The following CEBPZ variants were observed in gnomAD, a reference collection of about 807,000 sequenced individuals.
CEBPZ encodes the protein CCAAT enhancer binding protein zeta.
In CEBPZ, 78 loss-of-function variants were observed where a neutral mutation model predicts 104.5. That is an observed-to-expected ratio of 0.75 (90% CI 0.62 to 0.90). The LOEUF (loss-of-function observed/expected upper bound fraction) is 0.90. Among genes scored for constraint, CEBPZ ranks in the 40% least tolerant of loss-of-function variants. The pLI, the probability that CEBPZ is intolerant of heterozygous loss-of-function variation, is 0.00. For missense variants in CEBPZ, 1,439 were observed against 1,233.5 expected (o/e 1.17, Z -2.50); for synonymous variants, 470 against 427.0 (o/e 1.10, Z -1.24).
At chr2:37,215,001 A>G in intron 8 of CEBPZ, 49 bp from the exon 9 acceptor site, 1 of 1,181,584 alleles carries the variant, frequency 8.5e-7, no homozygotes, top group Non-Finnish European at 1.3e-6. Flanking sequence ...AATCCCCTTT[A>G]TGTTACTCAA....
chr2:37,225,964 T>C lies in CEBPZ; in HGVS notation c.1649+1580A>G, dbSNP rs571458104. Among the ~76,000 whole-genome samples, 505 of 134,140 alleles carry C rather than the reference T, an allele frequency of 3.8e-3. 3 individuals carry two copies. The highest frequency in any genetic ancestry group is 6.6e-3 in the Non-Finnish European group (418 of 63,078). 88.0% of individuals were successfully genotyped at this position (134,140 alleles called of 152,430 possible). On this transcript the variant is annotated intron_variant, in intron 2 of 15. Transcript: ENST00000234170. ...TAAAGCATTGAGATGTTTATGTGTA[T>C]GCATATCTAAAAGCACAGCACTTAA...
chr2:37,220,977 A>G (rs151303822), intron 4 of CEBPZ, among the ~76,000 whole-genome samples: 37 of 151,630 alleles, frequency 2.4e-4, no homozygotes, highest in Admixed American at 3.3e-4. Context: ...AGCCTTCCTG[A>G]CAGAGCAAGA....
chr2:37,217,763 G>C (rs1464770643), intron 5 of CEBPZ, among the ~76,000 whole-genome samples: 2 of 150,986 alleles, frequency 1.3e-5, no homozygotes, highest in African/African-American at 2.4e-5. Context: ...TTAGCCGGGC[G>C]TGGTGGCGGG....
chr2:37,216,463 C>G (rs776382256), intron 6 of CEBPZ, 45 bp from the exon 7 acceptor site: 1 of 1,329,200 alleles, frequency 7.5e-7, no homozygotes, highest in South Asian at 1.2e-5. Flanking sequence ...CAAATTATGT[C>G]TATGAATCCA....
chr2:37,222,971 T>C (rs904483358), intron 3 of CEBPZ, among the ~76,000 whole-genome samples, 199 bp downstream of exon 3: 8 of 152,206 alleles, frequency 5.3e-5, no homozygotes, highest in Non-Finnish European at 8.8e-5. Context: ...GTACAGTTTA[T>C]TGCAAGTAGA....
At chr2:37,227,474 AG>A in intron 2 of CEBPZ, 69 bp downstream of exon 2, 4 of 1,442,464 alleles carry the variant, frequency 2.8e-6, no homozygotes, top group Non-Finnish European at 2.8e-6. Context: ...TGCCCCACAG[AG>A]GGCACTGCTT....
At chr2:37,206,601 C>T (rs1677547539) in intron 13 of CEBPZ, among the ~76,000 whole-genome samples, 1 of 152,128 alleles carries the variant, frequency 6.6e-6, no homozygotes, top group African/African-American at 2.4e-5. Context: ...CAGGTGATGC[C>T]CGCCTGGGCC....
intron 9 of CEBPZ, 140 bp from the exon 10 acceptor site, chr2:37,214,101 T>C (rs1371600114): frequency 2.1e-6 from 1 of 483,496 alleles, no homozygotes; most frequent in East Asian, 3.5e-5. Context: ...GACTGAAATT[T>C]GTATCTAATA....
At chr2:37,227,440 A>T in intron 2 of CEBPZ, 104 bp downstream of exon 2, 5 of 1,312,152 alleles carry the variant, frequency 3.8e-6, no homozygotes, top group Non-Finnish European at 5.1e-6. Context: ...GGGGCCTAAA[A>T]CCAAATTTTC....
rs199895473 is a variant in CEBPZ at position 37,220,406 on chromosome 2, T to G, written c.2133A>C (p.Thr711=). 8.8e-6 allele frequency: 14 copies of G among 1,590,180 alleles called. No individual in the cohort carries two copies. Among genetic ancestry groups the G allele is most frequent in the Non-Finnish European group, 1.1e-5 (13 of 1,163,828 alleles). The change falls in exon 5 of 16, where the codon ACA becomes ACC. Residue 711 remains threonine (T), a synonymous_variant. Coordinates refer to ENST00000234170, the MANE Select transcript of CEBPZ (RefSeq NM_005760.3). ...RNPLFCGAEN[T]SLWELKKLSV... ...TTACCTTTTTGAGTTCCCAAAGACT[T>G]GTATTTTCAGCTCCACAGAACAGAG...
At position 37,206,269 on chromosome 2, in the gene CEBPZ, T is replaced by C. The variant is rs1051276176; in HGVS notation, c.2885-3261A>G. Among the ~76,000 whole-genome samples the C allele has an allele frequency of 7.9e-5, 12 of 152,222 alleles. 1 individual carries two copies. Among genetic ancestry groups the C allele is most frequent in the Admixed American group, 5.2e-4 (8 of 15,286 alleles). ...AAAAGGTATCCAACAAAACTAAGCT[T>C]CCTAAATGAAGGAGAGATATCTATG... On this transcript the variant is annotated intron_variant, in intron 13 of 15. Transcript: ENST00000234170.
At position 37,228,198 on chromosome 2, in the gene CEBPZ, AAT is replaced by A. The variant is rs1230569615; in HGVS notation, c.993_994del (p.Leu332MetfsTer4). Reference sequence around the variant, plus strand: ...TTTCAGCTGGTGTTCAAAATACCATAATATCAGTCTTCTATCTCTTGAGTCCT... The same window carrying A: ...TTTCAGCTGGTGTTCAAAATACCATAATCAGTCTTCTATCTCTTGAGTCCT... On this transcript the variant is annotated frameshift_variant, in exon 2 of 16. Transcript: ENST00000234170. LOFTEE classifies it high-confidence loss of function. 1 of 1,614,192 alleles carries A rather than the reference AAT, an allele frequency of 6.2e-7. No homozygotes were observed. Among genetic ancestry groups the A allele is most frequent in the Non-Finnish European group, 8.5e-7 (1 of 1,180,024 alleles).
At chr2:37,212,219 C>T in intron 11 of CEBPZ, 116 bp downstream of exon 11, 1 of 1,071,656 alleles carries the variant, frequency 9.3e-7, no homozygotes, top group South Asian at 1.4e-5. Context: ...ATCCACTTCC[C>T]AAACTTACTT....
rs760014895 is a variant in CEBPZ at position 37,202,844 on chromosome 2, T to A, written c.2965A>T (p.Asn989Tyr). The A allele has an allele frequency of 6.2e-7, 1 of 1,602,278 alleles. No individual in the cohort carries two copies. Among genetic ancestry groups the A allele is most frequent in the Non-Finnish European group, 8.5e-7 (1 of 1,174,834 alleles). The change falls in exon 15 of 16, where the codon AAT becomes TAT. Residue 989 changes from asparagine (N) to tyrosine (Y), a missense_variant. Asn to Tyr is a moderately radical substitution (Grantham distance 143). Transcript: ENST00000234170. ...ATGTTATCAAACTTGGATCCCATAT[T>A]TTCATCCAATAGATGGCCAAACTTT... ...AEEFGHLLDE[N>Y]MGSKFDNIGM...
intron 13 of CEBPZ, chr2:37,204,308 T>C (rs1192497942): frequency 6.9e-6 from 1 of 144,672 alleles, no homozygotes; most frequent in Non-Finnish European, 1.5e-5. Context: ...AGACAGAGTC[T>C]CGCTTTGTCG....
In CEBPZ at chr2:37,202,819, A is replaced by G. The variant is rs377255620; in HGVS notation, c.2990T>C (p.Ile997Thr). Residue 997 changes from isoleucine to threonine, a missense_variant, in exon 15 of 16, where the codon ATT (isoleucine) becomes ACT (threonine). By Grantham distance (89) the Ile-to-Thr change is moderately conservative. Transcript: ENST00000234170. ...DENMGSKFDN[I>T]GMNAMANKDN... Reference sequence around the variant, plus strand: ...TTTGTTAGCCATGGCATTCATGCCAATGTTATCAAACTTGGATCCCATATT... The same window carrying G: ...TTTGTTAGCCATGGCATTCATGCCAGTGTTATCAAACTTGGATCCCATATT... The G allele has an allele frequency of 5.4e-5, 87 of 1,599,678 alleles. No individual in the cohort carries two copies. The South Asian group carries it at 6.2e-4, about 11-fold the overall frequency.
intron 15 of CEBPZ, chr2:37,202,149 C>A: frequency 1.8e-5 from 5 of 282,104 alleles, no homozygotes; most frequent in South Asian, 1.4e-4. Flanking sequence ...TCTCCCCAAG[C>A]ACTTTTACTG....
chr2:37,230,610 T>C (rs887792679), intron 1 of CEBPZ, among the ~76,000 whole-genome samples: 7 of 152,238 alleles, frequency 4.6e-5, no homozygotes, highest in Non-Finnish European at 8.8e-5. Flanking sequence ...GTTCCTTATC[T>C]GCTTAAAATC....
intron 13 of CEBPZ, chr2:37,203,352 C>G (rs892740826): frequency 4.6e-4 from 74 of 162,632 alleles, no homozygotes; most frequent in African/African-American, 1.7e-3. Flanking sequence ...ATACTTAAGA[C>G]ACAACATAAA....
Sources: allele counts gnomAD v4.1 joint callset (sites outside exome capture counted in the v4.1 genomes callset), GRCh38; gene constraint gnomAD v4.1.1; transcripts MANE v1.5; gene names NCBI Gene and HGNC (gene_info 2026-07-23, HGNC 2026-07-21).